Variants in PFKFB4 observed in about 807,000 individuals in gnomAD.
PFKFB4 encodes 6-phosphofructo-2-kinase/fructose-2,6-biphosphatase 4.
In PFKFB4, 42 loss-of-function variants were observed where a neutral mutation model predicts 62.8. The observed-to-expected ratio is 0.67, with a 90% CI of 0.52 to 0.86. PFKFB4 has a LOEUF of 0.86. Ranked by LOEUF, PFKFB4 falls within the 40% of genes least tolerant of loss-of-function variation. The pLI, the probability that PFKFB4 is intolerant of heterozygous loss-of-function variation, is 0.00. For synonymous variants in PFKFB4, 204 were observed against 240.7 expected, an observed-to-expected ratio of 0.85 and a Z score of 1.41; for missense variants, 475 against 627.2, an observed-to-expected ratio of 0.76 and a Z score of 2.59.
In PFKFB4 at chr3:48,518,685, CCTT is replaced by C. The variant is rs1187663531; in HGVS notation, c.*1059_*1061del. On this transcript the variant is annotated 3_prime_UTR_variant, in exon 14 of 14. Coordinates refer to ENST00000232375, the MANE Select transcript of PFKFB4 (RefSeq NM_004567.4). ...GCCCAGGGACTGCCTATGGGTTCTG[CCTT>C]CTCCCTTCCTCAGACCCACAGGCAG... The C allele has an allele frequency of 6.6e-6, 1 of 152,282 alleles. No individual in the cohort carries two copies. Among genetic ancestry groups the C allele is most frequent in the Admixed American group, 6.5e-5 (1 of 15,286 alleles). The allele number at this position is 152,282 out of a possible 1,614,324, so 9.4% of individuals were successfully genotyped here. A position where few individuals can be genotyped will look rare whatever the true frequency, so the allele number is the denominator to read the frequency against.
At chr3:48,531,794 T>TA (rs1005822221) in intron 9 of PFKFB4, among the ~76,000 whole-genome samples, 3 of 150,064 alleles carry the variant, frequency 2.0e-5, no homozygotes, top group African/African-American at 7.4e-5. Flanking sequence ...CCCTGTCACT[T>TA]AAAAAAAAGA....
rs971578613 is a variant in PFKFB4, at chr3:48,521,481, G to A, written c.1350+505C>T. Among the ~76,000 whole-genome samples the A allele has an allele frequency of 6.6e-6, 1 of 152,176 alleles. No individual in the cohort carries two copies. The highest frequency in any genetic ancestry group is 2.4e-5 in the African/African-American group (1 of 41,434). On this transcript the variant is annotated intron_variant, in intron 13 of 13. Transcript: ENST00000232375. This position sits in a 1 kb window ranked among gnomAD's most constrained non-coding sequence, Gnocchi z 5.3. ...CTGAGGCCCCTTCAGTATCTGCATG[G>A]CCCTTTCCCCAAAAGTACATGATCC... is the stretch of plus-strand genomic sequence containing the variant.
At chr3:48,546,226 C>T (rs1318203217) in intron 3 of PFKFB4, among the ~76,000 whole-genome samples, 1 of 152,114 alleles carries the variant, frequency 6.6e-6, no homozygotes, top group African/African-American at 2.4e-5. Context: ...CGGTATGTGA[C>T]TAAATGGGCA....
intron 8 of PFKFB4, 145 bp downstream of exon 8, chr3:48,536,111 A>G: frequency 2.9e-6 from 2 of 686,092 alleles, no homozygotes; most frequent in South Asian, 3.6e-5. Flanking sequence ...TGATGGGAAG[A>G]TTCTAGGTTG....
At chr3:48,522,845 C>G (rs867896075) in intron 12 of PFKFB4, among the ~76,000 whole-genome samples, 20 of 151,642 alleles carry the variant, frequency 1.3e-4, no homozygotes, top group Middle Eastern at 3.4e-3. Flanking sequence ...ACTGCAAGTT[C>G]CGCCTCCCGG....
intron 3 of PFKFB4, chr3:48,548,126 C>T (rs2043020344): frequency 6.6e-6 from 1 of 152,130 alleles, no homozygotes; most frequent in African/African-American, 2.4e-5. Flanking sequence ...GAATTAATCC[C>T]AAATATCCCT....
intron 6 of PFKFB4, 27 bp downstream of exon 6, chr3:48,539,227 T>C: frequency 6.3e-7 from 1 of 1,587,496 alleles, no homozygotes; most frequent in Non-Finnish European, 8.7e-7. Flanking sequence ...CACACGACCT[T>C]CTGACAAGGT....
chr3:48,525,056 G>A (rs1440958656), intron 10 of PFKFB4, among the ~76,000 whole-genome samples: 1 of 152,134 alleles, frequency 6.6e-6, no homozygotes, highest in Non-Finnish European at 1.5e-5. Flanking sequence ...GAAGGATGAG[G>A]CCCGAGACAG....
chr3:48,523,594 G>A lies in PFKFB4; in HGVS notation c.1228C>T (p.Leu410=), dbSNP rs765047043. ...TGCAGCGGACACTTGAGGTAGGGCA[G>A]CTGTTCTGTAGACACAGAGGGGGAT... is the stretch of plus-strand genomic sequence containing the variant. ...AYFLDKAAEQ[L]PYLKCPLHTV... The change falls in exon 12 of 14, where the codon CTG becomes TTG. Residue 410 remains leucine (L), a synonymous_variant. Coordinates refer to ENST00000232375, the MANE Select transcript of PFKFB4 (RefSeq NM_004567.4). 8 of 1,614,078 alleles carry A rather than the reference G, an allele frequency of 5.0e-6. No individual in the cohort carries two copies. In the East Asian group the frequency reaches 1.8e-4, roughly 36 times the overall value.
chr3:48,532,622 G>C (rs1288369969), intron 9 of PFKFB4, among the ~76,000 whole-genome samples: 2 of 152,150 alleles, frequency 1.3e-5, no homozygotes, highest in Non-Finnish European at 2.9e-5. Context: ...AGGCCAAAGT[G>C]GTAGAATCGC....
Position 48,539,295 on chromosome 3 carries a change from A to G in PFKFB4, c.469T>C (p.Ser157Pro), listed in dbSNP as rs775648351. 6.2e-7 allele frequency: 1 copy of G among 1,614,030 alleles called. No homozygotes were observed. The highest frequency in any genetic ancestry group is 1.1e-5 in the South Asian group (1 of 91,050). ...ATGACCTCAGGATCCACACAGATGGACTCGACAAAAAAGGTCTGCGGCAGG... is the reference window on the plus strand; with the variant it reads ...ATGACCTCAGGATCCACACAGATGGGCTCGACAAAAAAGGTCTGCGGCAGG... ...QNGYKTFFVESICVDPEVIAA... is the reference protein window; with the variant it reads ...QNGYKTFFVEPICVDPEVIAA... Residue 157 changes from serine (S) to proline (P), a missense_variant, in exon 6 of 14, where the codon TCC becomes CCC. Ser to Pro is a moderately conservative substitution (Grantham distance 74). Coordinates refer to ENST00000232375, the MANE Select transcript of PFKFB4 (RefSeq NM_004567.4).
In PFKFB4 at chr3:48,543,474, G is replaced by A. The variant is rs550910922; in HGVS notation, c.378+106C>T. 63 of 1,036,940 alleles carry A rather than the reference G, an allele frequency of 6.1e-5. 3 individuals carry two copies. The South Asian group carries it at 8.6e-4, about 14-fold the overall frequency. The allele number at this position is 1,036,940 out of a possible 1,614,324, so 64.2% of individuals were successfully genotyped here. Reference sequence around the variant, plus strand: ...AAGGGCTGGCACCCAGAGCAGCTGGGGCACACACACCCTGCCTTCCCCTCC... The same window carrying A: ...AAGGGCTGGCACCCAGAGCAGCTGGAGCACACACACCCTGCCTTCCCCTCC... On this transcript the variant is annotated intron_variant, in intron 4 of 13. Transcript: ENST00000232375.
At chr3:48,538,097 T>C (rs762170491) in intron 7 of PFKFB4, among the ~76,000 whole-genome samples, 11 of 152,178 alleles carry the variant, frequency 7.2e-5, no homozygotes, top group Admixed American at 5.9e-4. Context: ...TGCCCATTGA[T>C]TTACATATCA....
At chr3:48,561,064 TC>T, upstream of PFKFB4, 1 of 1,282,020 alleles carries the variant, frequency 7.8e-7, no homozygotes, top group Non-Finnish European at 1.0e-6. This position sits in a 1 kb window ranked among gnomAD's most constrained non-coding sequence, Gnocchi z 5.2. Flanking sequence ...CGCCTGCTGC[TC>T]CCCGGCCCCA....
At chr3:48,546,018 CGTGTGT>C (rs145258700) in intron 3 of PFKFB4, among the ~76,000 whole-genome samples, 1 of 150,590 alleles carries the variant, frequency 6.6e-6, no homozygotes, top group African/African-American at 2.4e-5. Context: ...TGTGTGTGTG[CGTGTGT>C]GTGTGTGTGT....
intron 12 of PFKFB4, 82 bp from the exon 13 acceptor site, chr3:48,522,132 G>C (rs1293385634): frequency 3.1e-6 from 4 of 1,274,004 alleles, no homozygotes; most frequent in Non-Finnish European, 4.6e-6. Context: ...CTTGGAGGGG[G>C]GTCTGGGCGT....
chr3:48,543,706 C>A (rs2042872288), intron 3 of PFKFB4, 60 bp from the exon 4 acceptor site: 2 of 1,327,200 alleles, frequency 1.5e-6, no homozygotes, highest in Non-Finnish European at 2.1e-6. Context: ...GGAGGGTGGC[C>A]AGGGACACAC....
At chr3:48,539,388 G>T in intron 5 of PFKFB4, 78 bp from the exon 6 acceptor site, 1 of 1,248,556 alleles carries the variant, frequency 8.0e-7, no homozygotes, top group Non-Finnish European at 1.2e-6. Context: ...CTTGCTCCTC[G>T]GAGCTCTCCA....
chr3:48,540,649 G>A (rs199564383), intron 4 of PFKFB4, among the ~76,000 whole-genome samples: 28 of 152,020 alleles, frequency 1.8e-4, no homozygotes, highest in Admixed American at 3.9e-4. Context: ...TCACTCTGTC[G>A]CCCAGGCTGG....
Sources: allele counts gnomAD v4.1 joint callset (sites outside exome capture counted in the v4.1 genomes callset), GRCh38; gene constraint gnomAD v4.1.1; non-coding constraint Gnocchi (gnomAD v3.1); transcripts MANE v1.5; gene names NCBI Gene and HGNC (gene_info 2026-07-23, HGNC 2026-07-21).